Variants in PRKCA observed in about 807,000 individuals in gnomAD.
The protein encoded by PRKCA is protein kinase C alpha type.
PRKCA carries 27 observed loss-of-function variants against 87.0 expected under a neutral mutation model. That is an observed-to-expected ratio of 0.31 (90% CI 0.23 to 0.43). The LOEUF (loss-of-function observed/expected upper bound fraction) is 0.43, where lower values mean the gene tolerates loss of function less well. PRKCA is among the 20% of genes least tolerant of loss of function. PRKCA has a pLI of 1.00. For synonymous variants in PRKCA, 329 were observed against 311.1 expected (o/e 1.06, Z -0.61); for missense variants, 518 against 852.3 (o/e 0.61, Z 4.88).
chr17:66,346,657 T>C (rs1337922146), intron 2 of PRKCA, among the ~76,000 whole-genome samples: 1 of 152,194 alleles, frequency 6.6e-6, no homozygotes, highest in Non-Finnish European at 1.5e-5. Flanking sequence ...TGTCCTATGA[T>C]ACTGGAAATC....
chr17:66,504,895 T>A (rs1230751061), intron 3 of PRKCA, among the ~76,000 whole-genome samples: 1 of 152,164 alleles, frequency 6.6e-6, no homozygotes, highest in Non-Finnish European at 1.5e-5. Context: ...GGACCTGTCA[T>A]AAGAGTGCAA....
intron 2 of PRKCA, among the ~76,000 whole-genome samples, chr17:66,467,746 T>TG (rs1454091114): frequency 6.6e-5 from 10 of 152,126 alleles, no homozygotes; most frequent in Admixed American, 4.6e-4. Context: ...TTTGTGGAGA[T>TG]GGGGTCTCAC....
intron 2 of PRKCA, among the ~76,000 whole-genome samples, chr17:66,494,672 GT>G (rs1255838530): frequency 2.0e-5 from 3 of 152,148 alleles, no homozygotes. Flanking sequence ...AGGGTATACT[GT>G]TTTTTAACAT....
At chr17:66,621,109 G>A (rs552577941) in intron 3 of PRKCA, among the ~76,000 whole-genome samples, 8 of 152,312 alleles carry the variant, frequency 5.3e-5, no homozygotes, top group African/African-American at 1.7e-4. Context: ...GACTCTGGTT[G>A]ACTTTGATGT....
chr17:66,484,504 AG>A (rs1389422267), intron 2 of PRKCA, among the ~76,000 whole-genome samples: 1 of 152,344 alleles, frequency 6.6e-6, no homozygotes, highest in East Asian at 1.9e-4. Context: ...GTCATATAAA[AG>A]TAACTTATTT....
intron 3 of PRKCA, among the ~76,000 whole-genome samples, chr17:66,528,766 A>G (rs79463747): frequency 1.6e-3 from 245 of 152,372 alleles, no homozygotes; most frequent in African/African-American, 5.3e-3. Context: ...AATATGGCAC[A>G]TAAGACTGGA....
chr17:66,421,874 T>A (rs187437855), intron 2 of PRKCA, among the ~76,000 whole-genome samples: 1 of 152,164 alleles, frequency 6.6e-6, no homozygotes, highest in African/African-American at 2.4e-5. Context: ...TTTTTCCTTT[T>A]TACCCACTGT....
intron 2 of PRKCA, among the ~76,000 whole-genome samples, chr17:66,483,736 A>G (rs1353413547): frequency 6.6e-6 from 1 of 152,156 alleles, no homozygotes; most frequent in Non-Finnish European, 1.5e-5. Context: ...CTGGGATTAC[A>G]GGAGTGAGCC....
intron 2 of PRKCA, among the ~76,000 whole-genome samples, chr17:66,343,035 T>A (rs1419258551): frequency 6.6e-6 from 1 of 152,136 alleles, no homozygotes; most frequent in Non-Finnish European, 1.5e-5. Flanking sequence ...TTTCTTTTTT[T>A]AAAAAAGAAG....
At chr17:66,577,451 C>T (rs373374776) in intron 3 of PRKCA, among the ~76,000 whole-genome samples, 3 of 152,038 alleles carry the variant, frequency 2.0e-5, no homozygotes, top group Admixed American at 1.3e-4. Flanking sequence ...CAAGGGAGTC[C>T]CTTGAGATGA....
At chr17:66,554,446 G>A (rs1598764211) in intron 3 of PRKCA, 1 of 618,208 alleles carries the variant, frequency 1.6e-6, no homozygotes, top group Non-Finnish European at 2.0e-6. Context: ...GTTCCCATTG[G>A]GGCCTGTGTT....
chr17:66,579,169 C>G (rs1191240352), intron 3 of PRKCA, among the ~76,000 whole-genome samples: 1 of 152,186 alleles, frequency 6.6e-6, no homozygotes, highest in Non-Finnish European at 1.5e-5. Context: ...CCCCATTGAA[C>G]AGACAGAGTA....
intron 2 of PRKCA, among the ~76,000 whole-genome samples, chr17:66,460,543 G>A (rs1914797106): frequency 6.6e-6 from 1 of 152,162 alleles, no homozygotes; most frequent in East Asian, 1.9e-4. Flanking sequence ...AGTGCAGACA[G>A]GGAGAAGAAC....
intron 3 of PRKCA, among the ~76,000 whole-genome samples, chr17:66,565,028 T>G (rs1222244000): frequency 6.6e-6 from 1 of 152,070 alleles, no homozygotes; most frequent in African/African-American, 2.4e-5. Context: ...CACACACCAG[T>G]GGCCCAGGAA....
rs549471993 is a variant in PRKCA at position 66,368,312 on chromosome 17, GTGTT to G, written c.205+62187_205+62190del. Among the ~76,000 whole-genome samples the G allele has an allele frequency of 1.9e-3, 277 of 145,878 alleles. 1 individual carries two copies. The highest frequency in any genetic ancestry group is 3.1e-3 in the Non-Finnish European group (207 of 66,980). On this transcript the variant is annotated intron_variant, in intron 2 of 16. Coordinates refer to ENST00000413366, the MANE Select transcript of PRKCA (RefSeq NM_002737.3). ...TACACACATATATGTGTGTGTGTGT[GTGTT>G]TATCTATATGTGTGTGTATATATGT...
intron 2 of PRKCA, among the ~76,000 whole-genome samples, chr17:66,461,976 C>A (rs1241883092): frequency 6.6e-6 from 1 of 151,410 alleles, no homozygotes; most frequent in Non-Finnish European, 1.5e-5. Flanking sequence ...TATGGGATGT[C>A]ATTGAGGTGT....
intron 5 of PRKCA, among the ~76,000 whole-genome samples, chr17:66,663,196 C>T (rs1971954111): frequency 6.6e-6 from 1 of 152,212 alleles, no homozygotes; most frequent in Non-Finnish European, 1.5e-5. Flanking sequence ...TCCTCTCCAG[C>T]CTCAAAGGTT....
intron 3 of PRKCA, among the ~76,000 whole-genome samples, chr17:66,627,371 C>T (rs1278119798): frequency 6.6e-6 from 1 of 152,080 alleles, no homozygotes. Flanking sequence ...TTCTGGGAGG[C>T]ATTGCTTAGG....
chr17:66,466,906 C>T (rs541522030), intron 2 of PRKCA, among the ~76,000 whole-genome samples: 3 of 152,096 alleles, frequency 2.0e-5, no homozygotes, highest in South Asian at 2.1e-4. Flanking sequence ...TACTCATGCC[C>T]TCAGTTTAAA....
Sources: gnomAD v4.1 joint callset for allele counts (sites outside exome capture counted in the v4.1 genomes callset) on GRCh38, gnomAD v4.1.1 for gene constraint, MANE v1.5 for transcripts, NCBI Gene and HGNC (gene_info 2026-07-23, HGNC 2026-07-21) for gene names.